CYRIA: variants seen among roughly 807,000 people sequenced by gnomAD.
CYRIA encodes the protein CYFIP related Rac1 interactor A.
CYRIA carries 15 observed loss-of-function variants against 43.9 expected under a neutral mutation model. The observed-to-expected ratio is 0.34, with a 90% CI of 0.23 to 0.53. The LOEUF (loss-of-function observed/expected upper bound fraction) is 0.53. Among genes scored for constraint, CYRIA ranks in the 20% least tolerant of loss-of-function variants. CYRIA has a pLI of 0.94. For missense variants in CYRIA, 236 were observed against 394.2 expected (o/e 0.60, Z 3.40); for synonymous variants, 117 against 136.0 (o/e 0.86, Z 0.97).
At chr2:16,593,884 G>A (rs868352994) in intron 2 of CYRIA, among the ~76,000 whole-genome samples, 20 of 104,390 alleles carry the variant, frequency 1.9e-4, no homozygotes, top group Middle Eastern at 4.5e-3. Flanking sequence ...CCCGACCCCC[G>A]ACCCCACCAC....
intron 1 of CYRIA, among the ~76,000 whole-genome samples, chr2:16,644,129 T>C (rs910884811): frequency 2.0e-5 from 3 of 152,210 alleles, no homozygotes; most frequent in African/African-American, 7.2e-5. Flanking sequence ...CCTTATATAA[T>C]AAAACGAAGC....
intron 1 of CYRIA, among the ~76,000 whole-genome samples, chr2:16,652,344 C>A (rs1359152909): frequency 6.6e-6 from 1 of 152,188 alleles, no homozygotes; most frequent in Non-Finnish European, 1.5e-5. Flanking sequence ...GAGCAGGATT[C>A]AGATGGGCAG....
chr2:16,647,742 C>T (rs984240587), intron 1 of CYRIA, among the ~76,000 whole-genome samples: 2 of 152,212 alleles, frequency 1.3e-5, no homozygotes, highest in South Asian at 4.1e-4. Context: ...CCACATTTTT[C>T]CTTCAGATTC....
chr2:16,653,543 A>G lies in CYRIA; in HGVS notation c.-167+12237T>C, dbSNP rs536457081. Among the ~76,000 whole-genome samples, 5 of 152,204 alleles carry G rather than the reference A, an allele frequency of 3.3e-5. No individual in the cohort carries two copies. In the East Asian group the frequency reaches 9.7e-4, roughly 29 times the overall value. ...CTTACCACCATCTAACATGATATAC[A>G]TTTTACTTGTTTATATGTTTATGGT... On this transcript the variant is annotated intron_variant, in intron 1 of 11. Coordinates refer to ENST00000381323, the MANE Select transcript of CYRIA (RefSeq NM_030797.4).
intron 3 of CYRIA, among the ~76,000 whole-genome samples, chr2:16,576,209 T>C (rs1011740453): frequency 1.3e-5 from 2 of 152,192 alleles, no homozygotes; most frequent in Admixed American, 1.3e-4. Context: ...GACAGGATCA[T>C]TAGATTCAGA....
chr2:16,587,607 A>T (rs893913070), intron 3 of CYRIA, among the ~76,000 whole-genome samples: 5 of 152,124 alleles, frequency 3.3e-5, no homozygotes, highest in Non-Finnish European at 5.9e-5. Context: ...CTGTGTCCCC[A>T]CTCAAATCTC....
At chr2:16,587,548 T>C (rs1667774789) in intron 3 of CYRIA, among the ~76,000 whole-genome samples, 1 of 152,114 alleles carries the variant, frequency 6.6e-6, no homozygotes, top group South Asian at 2.1e-4. Flanking sequence ...GAAAATGACA[T>C]TAGAAATGAT....
intron 4 of CYRIA, among the ~76,000 whole-genome samples, chr2:16,565,161 G>C (rs1212202015): frequency 1.3e-5 from 2 of 151,592 alleles, no homozygotes; most frequent in African/African-American, 4.9e-5. Context: ...AGAATAAAAG[G>C]GGCGATTCAT....
chr2:16,633,572 TC>T lies in CYRIA; in HGVS notation c.-166-9554del, dbSNP rs1307136623. 1.2e-3 allele frequency among the ~76,000 whole-genome samples: 66 copies of T among 57,204 alleles called. 9 individuals carry two copies. Among genetic ancestry groups the T allele is most frequent in the African/African-American group, 8.8e-3 (58 of 6,628 alleles). The allele number at this position is 57,204 out of a possible 152,430, so 37.5% of individuals were successfully genotyped here. On this transcript the variant is annotated intron_variant, in intron 1 of 11. Coordinates refer to ENST00000381323, the MANE Select transcript of CYRIA (RefSeq NM_030797.4). Reference sequence around the variant, plus strand: ...TTTTTTTTTTTTTTTTTTTTTTTTTTCTGTAGAGAAGGGGTTTCACCATGTT... The same window carrying T: ...TTTTTTTTTTTTTTTTTTTTTTTTTTTGTAGAGAAGGGGTTTCACCATGTT...
intron 1 of CYRIA, among the ~76,000 whole-genome samples, chr2:16,661,392 GC>G (rs1210318226): frequency 4.3e-4 from 66 of 152,144 alleles, no homozygotes; most frequent in African/African-American, 1.6e-3. Flanking sequence ...CAACTGTTAT[GC>G]TTTCCATTCA....
Position 16,554,796 on chromosome 2 carries a change from C to G in CYRIA, c.908+273G>C, listed in dbSNP as rs368757460. Among the ~76,000 whole-genome samples, 28 of 152,252 alleles carry G rather than the reference C, an allele frequency of 1.8e-4. No homozygotes were observed. In the East Asian group the frequency reaches 4.1e-3, roughly 22 times the overall value. On this transcript the variant is annotated intron_variant, in intron 11 of 11. Transcript: ENST00000381323. ...GTGGCTGAGAATCAGGTCCATGACCCGTGGGGTCACCCACACCTGGGTTCA... is the reference window on the plus strand; with the variant it reads ...GTGGCTGAGAATCAGGTCCATGACCGGTGGGGTCACCCACACCTGGGTTCA...
At chr2:16,559,105 C>T (rs1666635133) in intron 10 of CYRIA, among the ~76,000 whole-genome samples, 1 of 152,128 alleles carries the variant, frequency 6.6e-6, no homozygotes, top group South Asian at 2.1e-4. Context: ...AATGTAGTAT[C>T]TCCCAACTCT....
In CYRIA at chr2:16,615,168, G is replaced by A. The variant is rs76407307; in HGVS notation, c.-11+8696C>T. On this transcript the variant is annotated intron_variant, in intron 2 of 11. Transcript: ENST00000381323. ...ACCCACCTGGGAGCTTATTACAAAT[G>A]CAGTCTCTCAAGCCCCACCTCAGAA... 1.7e-3 allele frequency among the ~76,000 whole-genome samples: 260 copies of A among 152,320 alleles called. 3 individuals carry two copies. The East Asian group carries it at 0.04, about 23-fold the overall frequency.
intron 1 of CYRIA, among the ~76,000 whole-genome samples, chr2:16,660,588 C>T (rs781380199): frequency 4.6e-5 from 7 of 152,196 alleles, no homozygotes; most frequent in African/African-American, 7.2e-5. Flanking sequence ...TCACTGTATC[C>T]TAGCACAACA....
At position 16,552,585 on chromosome 2, in the gene CYRIA, T is replaced by C. The variant is rs1485187366; in HGVS notation, c.*351A>G. 5.6e-6 allele frequency: 1 copy of C among 178,914 alleles called. No homozygotes were observed. Among genetic ancestry groups the C allele is most frequent in the Non-Finnish European group, 1.2e-5 (1 of 86,060 alleles). 11.1% of individuals were successfully genotyped at this position (178,914 alleles called of 1,614,324 possible). On this transcript the variant is annotated 3_prime_UTR_variant, in exon 12 of 12. Transcript: ENST00000381323. Reference sequence around the variant, plus strand: ...TCAAATATTTTGTGTTTCTATAAACTATACTTCCCAGAGAGATAACACATC... The same window carrying C: ...TCAAATATTTTGTGTTTCTATAAACCATACTTCCCAGAGAGATAACACATC...
intron 5 of CYRIA, 21 bp from the exon 6 acceptor site, chr2:16,562,162 T>C: frequency 1.2e-6 from 2 of 1,604,636 alleles, no homozygotes; most frequent in Non-Finnish European, 1.7e-6. Context: ...AAGGGATAAA[T>C]AGATATGTTG....
At chr2:16,629,062 G>A (rs1261978100) in intron 1 of CYRIA, among the ~76,000 whole-genome samples, 1 of 152,164 alleles carries the variant, frequency 6.6e-6, no homozygotes, top group Non-Finnish European at 1.5e-5. Context: ...AGGACTCTGT[G>A]GCTGTCCCAT....
intron 1 of CYRIA, among the ~76,000 whole-genome samples, chr2:16,658,646 G>A (rs1242438930): frequency 6.6e-6 from 1 of 152,168 alleles, no homozygotes; most frequent in East Asian, 1.9e-4. Flanking sequence ...AAAGCCACTG[G>A]TCTCAGTTTC....
intron 1 of CYRIA, among the ~76,000 whole-genome samples, chr2:16,642,866 C>T (rs1334777186): frequency 2.0e-5 from 3 of 152,142 alleles, no homozygotes; most frequent in Admixed American, 6.6e-5. Flanking sequence ...CCGCCCTTTT[C>T]AACTGCAATG....
Sources: allele counts gnomAD v4.1 joint callset (sites outside exome capture counted in the v4.1 genomes callset), GRCh38; gene constraint gnomAD v4.1.1; transcripts MANE v1.5; gene names NCBI Gene and HGNC (gene_info 2026-07-23, HGNC 2026-07-21).